ZNF407: variants seen among roughly 807,000 people sequenced by gnomAD.
ZNF407 encodes the protein zinc finger protein 407.
In ZNF407, 17 loss-of-function variants were observed where a neutral mutation model predicts 131.2. The observed-to-expected ratio is 0.13, with a 90% CI of 0.09 to 0.19. ZNF407 has a LOEUF of 0.19. Ranked by LOEUF, ZNF407 falls within the 10% of genes least tolerant of loss-of-function variation. The pLI is 1.00. For missense variants in ZNF407, 2,681 were observed against 2,830.6 expected (o/e 0.95, Z 1.20); for synonymous variants, 1,156 against 1,062.0 (o/e 1.09, Z -1.72).
At chr18:74,975,601 TC>T (rs1972519297) in intron 8 of ZNF407, among the ~76,000 whole-genome samples, 1 of 152,218 alleles carries the variant, frequency 6.6e-6, no homozygotes, top group Non-Finnish European at 1.5e-5. Context: ...ATTCACACTT[TC>T]CATACTAGGT....
At chr18:74,896,644 A>G (rs1302653921) in intron 7 of ZNF407, among the ~76,000 whole-genome samples, 1 of 152,190 alleles carries the variant, frequency 6.6e-6, no homozygotes, top group Non-Finnish European at 1.5e-5. Context: ...CCTGGCAAGC[A>G]TAAAGATTGC....
At chr18:74,636,304 AT>A (rs757359432) in intron 2 of ZNF407, among the ~76,000 whole-genome samples, 22 of 152,126 alleles carry the variant, frequency 1.4e-4, no homozygotes, top group Non-Finnish European at 2.5e-4. Flanking sequence ...TTAGTGTTCC[AT>A]TTTAATGTTT....
intron 3 of ZNF407, among the ~76,000 whole-genome samples, chr18:74,777,072 T>C: frequency 6.6e-6 from 1 of 152,146 alleles, no homozygotes; most frequent in Admixed American, 6.5e-5. Context: ...CTGAGCTGTA[T>C]GTGCTTTAAT....
At chr18:74,675,258 T>C (rs1599059803) in intron 3 of ZNF407, among the ~76,000 whole-genome samples, 2 of 152,244 alleles carry the variant, frequency 1.3e-5, no homozygotes, top group East Asian at 3.8e-4. Context: ...CACTCATCAC[T>C]TAACCTCTTA....
intron 3 of ZNF407, among the ~76,000 whole-genome samples, chr18:74,645,673 GT>G (rs1431608747): frequency 8.9e-5 from 13 of 146,602 alleles, no homozygotes; most frequent in Non-Finnish European, 1.7e-4. Context: ...GTGTGTGTGT[GT>G]GGCATTACCT....
intron 3 of ZNF407, among the ~76,000 whole-genome samples, chr18:74,656,301 A>AT (rs895388342): frequency 2.3e-4 from 35 of 152,146 alleles, no homozygotes; most frequent in African/African-American, 7.5e-4. Flanking sequence ...AATGTGAGGG[A>AT]TTTTTTGGTG....
At chr18:74,846,342 C>T (rs1970702450) in intron 4 of ZNF407, among the ~76,000 whole-genome samples, 1 of 150,804 alleles carries the variant, frequency 6.6e-6, no homozygotes, top group Non-Finnish European at 1.5e-5. Flanking sequence ...GATGTTAAAA[C>T]GTCTTTTTTT....
At chr18:74,999,437 C>G (rs372638179) in intron 8 of ZNF407, among the ~76,000 whole-genome samples, 1 of 147,042 alleles carries the variant, frequency 6.8e-6, no homozygotes, top group Admixed American at 6.8e-5. Context: ...AACTGTGATT[C>G]GTGTCTGCTT....
At chr18:74,612,227 A>C (rs62097591) in intron 1 of ZNF407, among the ~76,000 whole-genome samples, 16,326 of 152,220 alleles carry the variant, frequency 0.11, 984 homozygotes, top group Non-Finnish European at 0.14. Context: ...GGATATGATA[A>C]AGTAATAAAG....
At chr18:74,627,928 G>A (rs1430389334) in intron 1 of ZNF407, among the ~76,000 whole-genome samples, 2 of 146,512 alleles carry the variant, frequency 1.4e-5, no homozygotes, top group South Asian at 4.4e-4. Flanking sequence ...AGGCTGGAAC[G>A]CAGTGGTTCA....
In ZNF407 at chr18:74,634,304, T is replaced by C. The variant is rs148940330; in HGVS notation, c.3285T>C (p.Ile1095=). The C allele has an allele frequency of 2.9e-4, 466 of 1,613,996 alleles. No individual in the cohort carries two copies. In the African/African-American group the frequency reaches 5.5e-3, roughly 19 times the overall value. The part of the protein sequence containing the change: ...AGSADMSKNI[I]MPEEEHQQNS... ...CTGCAGACATGTCCAAAAACATCAT[T>C]ATGCCTGAAGAAGAGCATCAACAAA... The change falls in exon 2 of 9, where the codon ATT becomes ATC. Residue 1095 remains isoleucine (I), a synonymous_variant. Coordinates refer to ENST00000299687, the MANE Select transcript of ZNF407 (RefSeq NM_017757.3).
chr18:74,815,090 G>A (rs1970249984), intron 4 of ZNF407, among the ~76,000 whole-genome samples: 1 of 151,556 alleles, frequency 6.6e-6, no homozygotes, highest in Admixed American at 6.6e-5. Flanking sequence ...AAAATAAATG[G>A]ATCATATTTT....
chr18:74,768,693 G>C (rs1404931713), intron 3 of ZNF407, among the ~76,000 whole-genome samples: 1 of 152,102 alleles, frequency 6.6e-6, no homozygotes, highest in Admixed American at 6.5e-5. Context: ...TTATATTCCA[G>C]TAGGCCTCAA....
intron 4 of ZNF407, among the ~76,000 whole-genome samples, chr18:74,827,875 G>T (rs1227987541): frequency 6.6e-6 from 1 of 152,076 alleles, no homozygotes; most frequent in Non-Finnish European, 1.5e-5. Context: ...GACCTCACAG[G>T]GTTAATTTTA....
intron 3 of ZNF407, among the ~76,000 whole-genome samples, chr18:74,759,294 CA>C (rs1294140644): frequency 1.3e-5 from 2 of 152,084 alleles, no homozygotes; most frequent in Admixed American, 6.6e-5. Context: ...TAGCATTTGA[CA>C]GTTTGAATAT....
chr18:74,711,774 G>A (rs1191407681), intron 3 of ZNF407, among the ~76,000 whole-genome samples: 1 of 152,162 alleles, frequency 6.6e-6, no homozygotes, highest in Non-Finnish European at 1.5e-5. Flanking sequence ...GCATTGGCAT[G>A]ATCTCAGCTC....
intron 1 of ZNF407, among the ~76,000 whole-genome samples, chr18:74,625,946 A>G (rs1158591136): frequency 1.3e-5 from 2 of 152,230 alleles, no homozygotes; most frequent in South Asian, 2.1e-4. Context: ...CAGAAAAAGC[A>G]TTGATTTCAT....
At chr18:74,829,725 A>G (rs891958251) in intron 4 of ZNF407, among the ~76,000 whole-genome samples, 1 of 151,928 alleles carries the variant, frequency 6.6e-6, no homozygotes, top group Non-Finnish European at 1.5e-5. Context: ...TGCTTTTTTT[A>G]TATTAGGTTT....
chr18:75,062,223 G>C (rs1414925535), intron 8 of ZNF407: 1 of 152,156 alleles, frequency 6.6e-6, no homozygotes, highest in Non-Finnish European at 1.5e-5. Flanking sequence ...TGAAGACAGG[G>C]CTACAATGTT....
Sources: gnomAD v4.1 joint callset for allele counts (sites outside exome capture counted in the v4.1 genomes callset) on GRCh38, gnomAD v4.1.1 for gene constraint, MANE v1.5 for transcripts, NCBI Gene and HGNC (gene_info 2026-07-23, HGNC 2026-07-21) for gene names.